Variants in RABGAP1L observed in about 807,000 individuals in gnomAD.
RABGAP1L encodes the protein RAB GTPase activating protein 1 like.
In RABGAP1L, 63 loss-of-function variants were observed where a neutral mutation model predicts 137.7. That is an observed-to-expected ratio of 0.46 (90% confidence interval 0.37 to 0.56). The LOEUF (loss-of-function observed/expected upper bound fraction) is 0.56. RABGAP1L is among the 20% of genes least tolerant of loss of function. RABGAP1L has a pLI of 0.00. For missense variants in RABGAP1L, 1,095 were observed against 1,244.0 expected (o/e 0.88, Z 1.80); for synonymous variants, 431 against 433.7 (o/e 0.99, Z 0.08).
chr1:174,426,462 A>G (rs538606401), intron 13 of RABGAP1L, among the ~76,000 whole-genome samples: 184 of 152,062 alleles, frequency 1.2e-3, no homozygotes, highest in African/African-American at 4.2e-3. Context: ...TCTATTACAA[A>G]TACGTCTTAA....
rs377420221 is a variant in RABGAP1L at position 174,610,398 on chromosome 1, T to C, written c.1711-26977T>C. On this transcript the variant is annotated intron_variant, in intron 13 of 25. Transcript: ENST00000681986. ...AAGGACATGAACTCATCATTTTTTA[T>C]GGCTGCATAGTATTCCATGGTGTAT... 3.7e-4 allele frequency among the ~76,000 whole-genome samples: 56 copies of C among 151,882 alleles called. No individual in the cohort carries two copies. In the Middle Eastern group the frequency reaches 0.01, roughly 28 times the overall value.
chr1:174,393,928 T>A, intron 12 of RABGAP1L, 67 bp from the exon 13 acceptor site: 1 of 1,544,976 alleles, frequency 6.5e-7, no homozygotes, highest in South Asian at 1.2e-5. Context: ...CTAGTATACT[T>A]TTCATGGCAA....
chr1:174,546,756 C>T (rs1024365008), intron 13 of RABGAP1L, among the ~76,000 whole-genome samples: 8 of 152,130 alleles, frequency 5.3e-5, no homozygotes, highest in East Asian at 1.9e-4. Flanking sequence ...GTTGGCCGGG[C>T]GCGGTGGCTC....
chr1:174,209,457 GAAGTATACCA>G (rs1205945170), intron 1 of RABGAP1L, among the ~76,000 whole-genome samples: 1 of 152,206 alleles, frequency 6.6e-6, no homozygotes, highest in Non-Finnish European at 1.5e-5. Flanking sequence ...CAGTAGCTTG[GAAGTATACCA>G]AATGGGCCTG....
At chr1:174,429,879 A>C (rs569288543) in intron 13 of RABGAP1L, among the ~76,000 whole-genome samples, 1 of 152,286 alleles carries the variant, frequency 6.6e-6, no homozygotes, top group African/African-American at 2.4e-5. Context: ...TTTCCAGCCA[A>C]GTTAGTCTAT....
chr1:174,496,165 G>C (rs1460496945), intron 13 of RABGAP1L, among the ~76,000 whole-genome samples: 3 of 152,096 alleles, frequency 2.0e-5, no homozygotes, highest in Non-Finnish European at 2.9e-5. Flanking sequence ...TTGAAAATCT[G>C]TACATAATTC....
chr1:174,240,825 A>G (rs1281833848), intron 4 of RABGAP1L, among the ~76,000 whole-genome samples: 1 of 152,188 alleles, frequency 6.6e-6, no homozygotes, highest in Non-Finnish European at 1.5e-5. Flanking sequence ...TGGGTGATAG[A>G]GATGTTACCA....
At chr1:174,661,510 C>T (rs1676366820) in intron 14 of RABGAP1L, among the ~76,000 whole-genome samples, 2 of 151,904 alleles carry the variant, frequency 1.3e-5, no homozygotes, top group African/African-American at 4.8e-5. Flanking sequence ...GGGAATATAC[C>T]TACATTAATA....
At chr1:174,616,411 T>A (rs986302041) in intron 13 of RABGAP1L, among the ~76,000 whole-genome samples, 9 of 152,222 alleles carry the variant, frequency 5.9e-5, no homozygotes, top group African/African-American at 9.6e-5. Context: ...GGGGAATAGA[T>A]GGTTACCCTG....
chr1:174,461,483 T>C (rs1656687022), intron 13 of RABGAP1L, among the ~76,000 whole-genome samples: 2 of 152,230 alleles, frequency 1.3e-5, no homozygotes, highest in Admixed American at 6.5e-5. Flanking sequence ...CTTTATGTCT[T>C]TTACATCTCT....
chr1:174,883,925 C>T (rs1456125417), intron 19 of RABGAP1L, among the ~76,000 whole-genome samples: 1 of 152,094 alleles, frequency 6.6e-6, no homozygotes, highest in Non-Finnish European at 1.5e-5. Context: ...ATTAAGCTTC[C>T]AGCCATACAA....
rs7412301 is a variant in RABGAP1L, at chr1:174,598,016, A to T, written c.1711-39359A>T. Among the ~76,000 whole-genome samples, 706 of 152,170 alleles carry T rather than the reference A, an allele frequency of 4.6e-3. 25 individuals are homozygous for T. Among genetic ancestry groups the T allele is most frequent in the Admixed American group, 0.041 (622 of 15,274 alleles). ...TATTCCATTGTGGTCTGAGAAGATA[A>T]TTGATATGATTTCAGGTTTTAAAAA... On this transcript the variant is annotated intron_variant, in intron 13 of 25. Transcript: ENST00000681986.
At position 174,637,335 on chromosome 1, in the gene RABGAP1L, A is replaced by G. The variant is rs1399200913; in HGVS notation, c.1711-40A>G. On this transcript the variant is annotated intron_variant, in intron 13 of 25. Coordinates refer to ENST00000681986, the MANE Select transcript of RABGAP1L (RefSeq NM_001366446.1). ...GTATATATTATATTTCATAACTGGG[A>G]AAAAATTTAATAACCAGGTCTATTT... The G allele has an allele frequency of 1.1e-5, 15 of 1,419,046 alleles. No homozygotes were observed. The Middle Eastern group carries it at 7.2e-4, about 68-fold the overall frequency. 87.9% of individuals were successfully genotyped at this position (1,419,046 alleles called of 1,614,324 possible). A position where few individuals can be genotyped will look rare whatever the true frequency, so the allele number is the denominator to read the frequency against.
intron 13 of RABGAP1L, among the ~76,000 whole-genome samples, chr1:174,541,144 T>C (rs1665381638): frequency 6.6e-6 from 1 of 152,352 alleles, no homozygotes; most frequent in Middle Eastern, 3.4e-3. Flanking sequence ...TGATTTTGTA[T>C]TCTAGGACTT....
At chr1:174,989,324 C>T (rs1671875707) in intron 25 of RABGAP1L, among the ~76,000 whole-genome samples, 1 of 152,178 alleles carries the variant, frequency 6.6e-6, no homozygotes, top group Admixed American at 6.5e-5. Context: ...TAGAAATAGT[C>T]CTGGCTTCTG....
At chr1:174,209,160 A>G (rs1448490182) in intron 1 of RABGAP1L, among the ~76,000 whole-genome samples, 2 of 152,144 alleles carry the variant, frequency 1.3e-5, no homozygotes, top group Non-Finnish European at 2.9e-5. Flanking sequence ...TGTGAGGTGG[A>G]GCTCAGGCAA....
intron 11 of RABGAP1L, among the ~76,000 whole-genome samples, chr1:174,321,364 C>T (rs1679959099): frequency 6.6e-6 from 1 of 152,100 alleles, no homozygotes; most frequent in South Asian, 2.1e-4. Flanking sequence ...CATGTGATCT[C>T]TGTACCCACA....
chr1:174,370,894 T>C, intron 11 of RABGAP1L, 85 bp from the exon 12 acceptor site: 1 of 622,824 alleles, frequency 1.6e-6, no homozygotes, highest in Non-Finnish European at 2.6e-6. Context: ...TTATTAGACA[T>C]GGAGTCATGT....
intron 13 of RABGAP1L, among the ~76,000 whole-genome samples, chr1:174,432,100 T>TA (rs2149199863): frequency 6.6e-6 from 1 of 152,254 alleles, no homozygotes; most frequent in East Asian, 1.9e-4. Context: ...TTTTAAGCCT[T>TA]ACTTTCCTCT....
Sources: gnomAD v4.1 joint callset for allele counts (sites outside exome capture counted in the v4.1 genomes callset) on GRCh38, gnomAD v4.1.1 for gene constraint, MANE v1.5 for transcripts, NCBI Gene and HGNC (gene_info 2026-07-23, HGNC 2026-07-21) for gene names.